PCDH9: variants seen among roughly 807,000 people sequenced by gnomAD.
PCDH9 encodes the protein protocadherin 9.
A neutral mutation model predicts 70.6 loss-of-function variants in PCDH9; 24 were observed. The observed-to-expected ratio is 0.34, with a 90% CI of 0.25 to 0.48. The LOEUF is 0.48. Among genes scored for constraint, PCDH9 ranks in the 20% least tolerant of loss-of-function variants. PCDH9 has a pLI of 0.99. For synonymous variants in PCDH9, 562 were observed against 558.5 expected (o/e 1.01, Z -0.09); for missense variants, 1,281 against 1,503.6 (o/e 0.85, Z 2.45).
At chr13:66,508,346 C>T (rs755808603) in intron 4 of PCDH9, among the ~76,000 whole-genome samples, 12 of 152,006 alleles carry the variant, frequency 7.9e-5, no homozygotes, top group Non-Finnish European at 1.0e-4. Context: ...ATGGTGGTTG[C>T]GCAACATTGT....
intron 2 of PCDH9, among the ~76,000 whole-genome samples, chr13:67,141,797 A>G (rs2138360176): frequency 6.6e-6 from 1 of 151,774 alleles, no homozygotes; most frequent in Admixed American, 6.6e-5. Flanking sequence ...ATGTATCAGT[A>G]TTGTATTATA....
intron 3 of PCDH9, among the ~76,000 whole-genome samples, chr13:66,763,747 CAA>C (rs974853859): frequency 1.3e-5 from 2 of 152,030 alleles, no homozygotes; most frequent in African/African-American, 2.4e-5. Flanking sequence ...GCCTATACCT[CAA>C]GTTTTTTTAA....
At position 67,226,801 on chromosome 13, in the gene PCDH9, T is replaced by C; in HGVS notation, c.1640A>G (p.Asn547Ser). 1.2e-6 allele frequency: 2 copies of C among 1,614,136 alleles called. No homozygotes were observed. The highest frequency in any genetic ancestry group is 8.5e-7 in the Non-Finnish European group (1 of 1,179,992). The change falls in exon 2 of 5, where the codon AAT becomes AGT. Residue 547 changes from asparagine (N) to serine (S), a missense_variant. Transcript: ENST00000377865. This position sits in a 1 kb window ranked among gnomAD's most constrained non-coding sequence, Gnocchi z 5.0. ...TTGGCTTTGGAGGGGAGGGGTCCCA[T>C]TGTCCCTGGCAGTTACTGTAAAAAT... ...RFIFTVTARD[N>S]GTPPLQSQAA...
intron 3 of PCDH9, among the ~76,000 whole-genome samples, chr13:66,721,561 C>T (rs143442423): frequency 0.026 from 3,921 of 152,066 alleles, 85 homozygotes; most frequent in Non-Finnish European, 0.035. Flanking sequence ...CTTACTGTAG[C>T]ATGACAGAAC....
intron 2 of PCDH9, among the ~76,000 whole-genome samples, chr13:67,092,238 T>A (rs377465147): frequency 5.3e-5 from 8 of 152,180 alleles, no homozygotes; most frequent in East Asian, 3.9e-4. Flanking sequence ...TCTATTGTAT[T>A]TCTGGCTTAT....
At chr13:66,985,176 G>A (rs955233172) in intron 2 of PCDH9, among the ~76,000 whole-genome samples, 2 of 151,768 alleles carry the variant, frequency 1.3e-5, no homozygotes, top group Non-Finnish European at 2.9e-5. Flanking sequence ...GGTTCCTATT[G>A]CAAGATAAAA....
intron 3 of PCDH9, among the ~76,000 whole-genome samples, chr13:66,865,301 A>C (rs1003234852): frequency 8.5e-5 from 13 of 152,210 alleles, no homozygotes; most frequent in African/African-American, 3.1e-4. Context: ...GCCTCACAAG[A>C]GAATACTAAT....
Position 66,554,019 on chromosome 13 carries a change from A to G in PCDH9, c.3340+77191T>C, listed in dbSNP as rs560988432. On this transcript the variant is annotated intron_variant, in intron 4 of 4. Transcript: ENST00000377865. Reference sequence around the variant, plus strand: ...TTAGTTCTAAATTGCTCCTTATATCAAAGCTCCAGAGATGCATAAATGATG... The same window carrying G: ...TTAGTTCTAAATTGCTCCTTATATCGAAGCTCCAGAGATGCATAAATGATG... Among the ~76,000 whole-genome samples, 15 of 152,256 alleles carry G rather than the reference A, an allele frequency of 9.9e-5. No homozygotes were observed. The South Asian group carries it at 1.7e-3, about 17-fold the overall frequency.
chr13:66,381,319 G>A (rs1284486930), intron 4 of PCDH9, among the ~76,000 whole-genome samples: 2 of 152,162 alleles, frequency 1.3e-5, no homozygotes, highest in East Asian at 3.8e-4. Context: ...AGTATGTGGA[G>A]CATCCATTTC....
chr13:66,874,589 G>A (rs2139517972), intron 3 of PCDH9, among the ~76,000 whole-genome samples: 1 of 152,150 alleles, frequency 6.6e-6, no homozygotes, highest in Middle Eastern at 3.4e-3. Flanking sequence ...TCTTGACATA[G>A]CTTTCACACA....
At chr13:66,403,528 C>A (rs984218724) in intron 4 of PCDH9, among the ~76,000 whole-genome samples, 4 of 152,098 alleles carry the variant, frequency 2.6e-5, no homozygotes, top group African/African-American at 9.7e-5. Flanking sequence ...CACTATCTGA[C>A]TGGCCTATAG....
chr13:67,178,098 A>G (rs2088513783), intron 2 of PCDH9, among the ~76,000 whole-genome samples: 2 of 152,204 alleles, frequency 1.3e-5, no homozygotes, highest in Admixed American at 1.3e-4. Flanking sequence ...GTATCTCCCA[A>G]GGTTGTCCTT....
chr13:67,076,607 TAAATC>T (rs1594477544), intron 2 of PCDH9, among the ~76,000 whole-genome samples: 1 of 152,104 alleles, frequency 6.6e-6, no homozygotes, highest in East Asian at 1.9e-4. Context: ...AAGCATTACT[TAAATC>T]AAGAGCTAAA....
At chr13:66,742,799 A>G (rs1426007066) in intron 3 of PCDH9, among the ~76,000 whole-genome samples, 1 of 149,372 alleles carries the variant, frequency 6.7e-6, no homozygotes, top group African/African-American at 2.5e-5. Context: ...ATGAGATATC[A>G]TCTCACACCA....
At chr13:66,846,042 T>C (rs1290651752) in intron 3 of PCDH9, among the ~76,000 whole-genome samples, 2 of 150,510 alleles carry the variant, frequency 1.3e-5, no homozygotes, top group East Asian at 2.0e-4. Context: ...GTTTAAAATA[T>C]GGATTATCAA....
intron 2 of PCDH9, among the ~76,000 whole-genome samples, chr13:66,984,340 G>A (rs2083844664): frequency 6.6e-6 from 1 of 152,130 alleles, no homozygotes; most frequent in African/African-American, 2.4e-5. Flanking sequence ...ATTGTCAGAT[G>A]ATTTTAAGAT....
In PCDH9 at chr13:66,798,343, G is replaced by A. The variant is rs113342691; in HGVS notation, c.3138+105161C>T. On this transcript the variant is annotated intron_variant, in intron 3 of 4. Coordinates refer to ENST00000377865, the MANE Select transcript of PCDH9 (RefSeq NM_203487.3). ...CCACTGATTTTCTTGATCCAAATGC[G>A]TCTTTAAGACAGTCCCTAATCCCAT... Among the ~76,000 whole-genome samples, 513 of 152,074 alleles carry A rather than the reference G, an allele frequency of 3.4e-3. 2 individuals are homozygous for A. Among genetic ancestry groups the A allele is most frequent in the African/African-American group, 8.6e-3 (356 of 41,470 alleles).
chr13:66,863,596 T>C (rs1054530211), intron 3 of PCDH9, among the ~76,000 whole-genome samples: 17 of 151,922 alleles, frequency 1.1e-4, no homozygotes, highest in Admixed American at 1.0e-3. Context: ...CGCCATTCTC[T>C]TGCCTCAGCC....
At chr13:66,807,770 T>C (rs1344631103) in intron 3 of PCDH9, among the ~76,000 whole-genome samples, 2 of 152,236 alleles carry the variant, frequency 1.3e-5, no homozygotes, top group Non-Finnish European at 2.9e-5. Flanking sequence ...TCCTTTGTGT[T>C]ATATAAAGTA....
Sources: gnomAD v4.1 joint callset for allele counts (sites outside exome capture counted in the v4.1 genomes callset) on GRCh38, gnomAD v4.1.1 for gene constraint, Gnocchi (gnomAD v3.1) non-coding constraint, MANE v1.5 for transcripts, NCBI Gene and HGNC (gene_info 2026-07-23, HGNC 2026-07-21) for gene names.